The following SUMF1 variants were observed in gnomAD, a reference collection of about 807,000 sequenced individuals.
SUMF1 encodes formylglycine-generating enzyme.
SUMF1 carries 48 observed loss-of-function variants against 47.6 expected under a neutral mutation model. The ratio of observed to expected loss-of-function variants is 1.01; its 90% CI spans 0.80 to 1.28. The LOEUF is 1.28. SUMF1 is among the 50% of genes most tolerant of loss of function. The pLI is 0.00. For missense variants in SUMF1, 571 were observed against 485.4 expected, an observed-to-expected ratio of 1.18 and a Z score of -1.66; for synonymous variants, 230 against 192.1, an observed-to-expected ratio of 1.20 and a Z score of -1.63.
chr3:4,255,540 G>C (rs1370646006), intron 8 of SUMF1, among the ~76,000 whole-genome samples: 1 of 71,982 alleles, frequency 1.4e-5, no homozygotes, highest in Non-Finnish European at 2.8e-5. Context: ...AATGGTAAAG[G>C]GATCAATTCA....
intron 7 of SUMF1, among the ~76,000 whole-genome samples, chr3:4,404,991 C>T (rs1336712049): frequency 1.3e-5 from 2 of 152,092 alleles, no homozygotes; most frequent in Admixed American, 6.6e-5. Flanking sequence ...GAGAAAATGG[C>T]AGTCTCATCG....
intron 8 of SUMF1, among the ~76,000 whole-genome samples, chr3:4,266,036 T>C (rs1336832941): frequency 1.3e-5 from 2 of 152,212 alleles, no homozygotes; most frequent in African/African-American, 4.8e-5. Context: ...GATCAGATAG[T>C]TGTAGACATG....
intron 8 of SUMF1, among the ~76,000 whole-genome samples, chr3:4,239,026 T>C (rs1010111893): frequency 2.0e-5 from 3 of 152,166 alleles, no homozygotes; most frequent in Non-Finnish European, 2.9e-5. Context: ...ATTTATTAAA[T>C]AGGGAATCCT....
chr3:4,243,083 G>C (rs977713347), intron 8 of SUMF1, among the ~76,000 whole-genome samples: 2 of 152,146 alleles, frequency 1.3e-5, no homozygotes, highest in Admixed American at 6.5e-5. Flanking sequence ...ATGGTAGTTT[G>C]TATTTCTGTG....
In SUMF1 at chr3:4,135,737, G is replaced by T. The variant is rs145570158; in HGVS notation, c.1015-66992C>A. Among the ~76,000 whole-genome samples, 355 of 152,260 alleles carry T rather than the reference G, an allele frequency of 2.3e-3. 2 individuals carry two copies. Among genetic ancestry groups the T allele is most frequent in the African/African-American group, 8.0e-3 (331 of 41,554 alleles). On this transcript the variant is annotated intron_variant and NMD_transcript_variant, in intron 8 of 12. Coordinates refer to the SUMF1 transcript ENST00000448413. ...ATATCTAGAAAACCCCATCATCTCA[G>T]CCCAAAATCTCCTTCAGCTGATAAG...
At chr3:4,077,695 T>C (rs1317384183) in intron 8 of SUMF1, among the ~76,000 whole-genome samples, 6 of 151,938 alleles carry the variant, frequency 3.9e-5, no homozygotes, top group African/African-American at 1.2e-4. Context: ...TTAGGAGAAA[T>C]ACCTAATGTA....
At chr3:4,370,540 C>T (rs1488946736) in intron 8 of SUMF1, among the ~76,000 whole-genome samples, 1 of 152,104 alleles carries the variant, frequency 6.6e-6, no homozygotes, top group Admixed American at 6.5e-5. Context: ...TGCCACAAAA[C>T]CTAGCATATA....
intron 7 of SUMF1, among the ~76,000 whole-genome samples, chr3:4,402,839 T>C (rs890498449): frequency 6.6e-6 from 1 of 152,058 alleles, no homozygotes. Context: ...TTGTAAAAAA[T>C]AACTGCATGT....
rs140083798 is a variant in SUMF1 at position 4,232,977 on chromosome 3, G to C, written c.1014+143353C>G. 2.3e-3 allele frequency among the ~76,000 whole-genome samples: 356 copies of C among 152,196 alleles called. 1 individual carries two copies. The highest frequency in any genetic ancestry group is 8.2e-3 in the African/African-American group (340 of 41,548). On this transcript the variant is annotated intron_variant and NMD_transcript_variant, in intron 8 of 12. Coordinates refer to the SUMF1 transcript ENST00000448413. ...GGTGAATCCACGGGTCTCACCAGGA[G>C]TCCCTAACTTTCAAATTTAAATATG...
At chr3:4,239,039 C>T (rs907073892) in intron 8 of SUMF1, among the ~76,000 whole-genome samples, 7 of 152,086 alleles carry the variant, frequency 4.6e-5, no homozygotes, top group Admixed American at 3.3e-4. Context: ...GGAATCCTTT[C>T]CCTATTGCTT....
At chr3:4,441,504 TCCA>T (rs1702586419) in intron 3 of SUMF1, among the ~76,000 whole-genome samples, 1 of 152,282 alleles carries the variant, frequency 6.6e-6, no homozygotes, top group African/African-American at 2.4e-5. Flanking sequence ...AAAACTGTCT[TCCA>T]CAAAACCAGT....
chr3:4,130,095 A>T (rs1693751136), intron 8 of SUMF1, among the ~76,000 whole-genome samples: 1 of 152,160 alleles, frequency 6.6e-6, no homozygotes, highest in Non-Finnish European at 1.5e-5. Flanking sequence ...GACTTGAAAG[A>T]TGCAGAGGTG....
intron 8 of SUMF1, among the ~76,000 whole-genome samples, chr3:4,319,735 G>T (rs1054469710): frequency 3.9e-5 from 6 of 152,144 alleles, no homozygotes; most frequent in African/African-American, 1.4e-4. Context: ...GGTTATAATT[G>T]GTTAAAACTT....
At position 4,361,600 on chromosome 3, in the gene SUMF1, G is replaced by A. The variant is rs1699759292; in HGVS notation, c.*544C>T. On this transcript the variant is annotated 3_prime_UTR_variant, in exon 9 of 9. Coordinates refer to ENST00000272902, the MANE Select transcript of SUMF1 (RefSeq NM_182760.4). ...CCCCTCTTCCGAAAATAATACATAA[G>A]AGAACTCTTACTTTACATGATTAGT... 6.2e-6 allele frequency: 1 copy of A among 161,106 alleles called. No homozygotes were observed. Among genetic ancestry groups the A allele is most frequent in the Admixed American group, 5.8e-5 (1 of 17,304 alleles). The allele number at this position is 161,106 out of a possible 1,614,324, so 10.0% of individuals were successfully genotyped here. A position where few individuals can be genotyped will look rare whatever the true frequency, so the allele number is the denominator to read the frequency against.
chr3:4,169,494 C>A (rs1266541085), intron 8 of SUMF1, among the ~76,000 whole-genome samples: 1 of 152,110 alleles, frequency 6.6e-6, no homozygotes, highest in African/African-American at 2.4e-5. Context: ...GCCAACAACA[C>A]CAGAATCCCA....
At chr3:4,280,039 GACA>G (rs1410531171) in intron 8 of SUMF1, among the ~76,000 whole-genome samples, 5 of 152,098 alleles carry the variant, frequency 3.3e-5, no homozygotes, top group Non-Finnish European at 5.9e-5. Flanking sequence ...TCTGTAAGAA[GACA>G]ACAATTCCAG....
At chr3:4,189,968 C>T (rs1310841638) in intron 8 of SUMF1, among the ~76,000 whole-genome samples, 4 of 152,150 alleles carry the variant, frequency 2.6e-5, no homozygotes, top group African/African-American at 4.8e-5. Flanking sequence ...CACTTCGAAA[C>T]GCATTTTTAA....
chr3:4,369,959 G>A (rs79949678), intron 8 of SUMF1, among the ~76,000 whole-genome samples: 5,091 of 152,292 alleles, frequency 0.033, 255 homozygotes, highest in African/African-American at 0.12. Context: ...TTTTAGGTAT[G>A]ACGGATACAA....
intron 8 of SUMF1, among the ~76,000 whole-genome samples, chr3:4,272,370 T>G (rs1697322055): frequency 6.6e-6 from 1 of 152,162 alleles, no homozygotes; most frequent in Non-Finnish European, 1.5e-5. Flanking sequence ...TGGCTGGACC[T>G]TCGGAATTGT....
Sources: gnomAD v4.1 joint callset for allele counts (sites outside exome capture counted in the v4.1 genomes callset) on GRCh38, gnomAD v4.1.1 for gene constraint, MANE v1.5 for transcripts, NCBI Gene and HGNC (gene_info 2026-07-23, HGNC 2026-07-21) for gene names.